Variants in LUC7L3 observed in about 807,000 individuals in gnomAD.
LUC7L3 encodes LUC7 like 3 pre-mRNA splicing factor, also known as luc7-like protein 3.
LUC7L3 carries 6 observed loss-of-function variants against 66.8 expected under a neutral mutation model. That is an observed-to-expected ratio of 0.09 (90% confidence interval 0.05 to 0.18). The LOEUF (loss-of-function observed/expected upper bound fraction) is 0.18. LUC7L3 is among the 10% of genes least tolerant of loss of function. The pLI is 1.00. For missense variants in LUC7L3, 341 were observed against 531.1 expected, an observed-to-expected ratio of 0.64 and a Z score of 3.52; for synonymous variants, 160 against 174.7, an observed-to-expected ratio of 0.92 and a Z score of 0.66.
At chr17:50,732,409 C>T (rs1567862815) in intron 1 of LUC7L3, among the ~76,000 whole-genome samples, 2 of 152,116 alleles carry the variant, frequency 1.3e-5, no homozygotes, top group African/African-American at 4.8e-5. Flanking sequence ...TTATTTGAGT[C>T]TTGCCCTTTT....
At chr17:50,741,437 TTTTC>T (rs2146752622) in intron 4 of LUC7L3, 191 bp downstream of exon 4, 11 of 715,752 alleles carry the variant, frequency 1.5e-5, no homozygotes, top group South Asian at 1.2e-4. Context: ...ACCATAAGAT[TTTTC>T]TTTGTTTTTA....
At chr17:50,733,696 A>G (rs570068314) in intron 1 of LUC7L3, among the ~76,000 whole-genome samples, 1 of 152,256 alleles carries the variant, frequency 6.6e-6, no homozygotes, top group South Asian at 2.1e-4. Context: ...GCCAGTTCAC[A>G]GTAATAGTAA....
At chr17:50,747,061 A>G (rs1243352797) in intron 9 of LUC7L3, among the ~76,000 whole-genome samples, 2 of 151,648 alleles carry the variant, frequency 1.3e-5, no homozygotes, top group Non-Finnish European at 1.5e-5. Context: ...GTTTCATAAT[A>G]CGTCTTATAA....
At position 50,756,215 on chromosome 17, in the gene LUC7L3, A is replaced by C. The variant is rs1014382816; in HGVS notation, c.*5554A>C. ...ATAAAATTTAAAAAGAAGAATGGGA[A>C]AAAAGTCTTGGTGTAGGTAGTTACT... On this transcript the variant is annotated 3_prime_UTR_variant, in exon 10 of 10. Coordinates refer to ENST00000505658, the MANE Select transcript of LUC7L3 (RefSeq NM_016424.5). 3 of 152,048 alleles carry C rather than the reference A, an allele frequency of 2.0e-5. No individual in the cohort carries two copies. Among genetic ancestry groups the C allele is most frequent in the African/African-American group, 7.3e-5 (3 of 41,354 alleles). The allele number at this position is 152,048 out of a possible 1,614,324, so 9.4% of individuals were successfully genotyped here.
chr17:50,735,361 G>A (rs1246476578), intron 1 of LUC7L3, among the ~76,000 whole-genome samples: 2 of 152,060 alleles, frequency 1.3e-5, no homozygotes, highest in Non-Finnish European at 2.9e-5. Flanking sequence ...TGAGTGTAAA[G>A]CCGTTGAGGA....
Position 50,736,020 on chromosome 17 carries a change from C to T in LUC7L3, c.100-940C>T, listed in dbSNP as rs74439336. On this transcript the variant is annotated intron_variant, in intron 1 of 9. Coordinates refer to ENST00000505658, the MANE Select transcript of LUC7L3 (RefSeq NM_016424.5). ...TGGTGGCACATACCTGTAATTCCAG[C>T]TACTTTGGAGACTGAGGCAGAACAA... Among the ~76,000 whole-genome samples the T allele has an allele frequency of 4.1e-4, 62 of 152,316 alleles. No homozygotes were observed. The East Asian group carries it at 0.01, about 25-fold the overall frequency.
At chr17:50,729,560 C>G (rs1969425555) in intron 1 of LUC7L3, among the ~76,000 whole-genome samples, 1 of 152,062 alleles carries the variant, frequency 6.6e-6, no homozygotes, top group Non-Finnish European at 1.5e-5. Context: ...CCCCTCCCAT[C>G]ACAGGGCATA....
At chr17:50,738,132 C>T (rs1970100798) in intron 2 of LUC7L3, 1 of 455,830 alleles carries the variant, frequency 2.2e-6, no homozygotes, top group Non-Finnish European at 4.4e-6. Flanking sequence ...GATGTTTTTC[C>T]CCAGGCAGAA....
chr17:50,728,146 C>G (rs1004791899), intron 1 of LUC7L3, among the ~76,000 whole-genome samples: 3 of 151,344 alleles, frequency 2.0e-5, no homozygotes, highest in African/African-American at 7.3e-5. Context: ...TTTTTATAAG[C>G]CTTGTTGAAA....
At chr17:50,738,534 T>TA (rs1362559905) in intron 2 of LUC7L3, among the ~76,000 whole-genome samples, 1 of 152,070 alleles carries the variant, frequency 6.6e-6, no homozygotes, top group African/African-American at 2.4e-5. Flanking sequence ...TCAGCAATAA[T>TA]ACGATGCCAT....
intron 1 of LUC7L3, among the ~76,000 whole-genome samples, chr17:50,726,206 C>T (rs549383272): frequency 9.2e-4 from 140 of 152,300 alleles, no homozygotes; most frequent in African/African-American, 3.1e-3. Context: ...CAGTCTTGCT[C>T]TGTCGCCCAG....
At position 50,751,008 on chromosome 17, in the gene LUC7L3, TA is replaced by T; in HGVS notation, c.*352del. On this transcript the variant is annotated 3_prime_UTR_variant, in exon 10 of 10. Transcript: ENST00000505658. ...GATGTCATTTCTTTTTTTTTTTTAA[TA>T]AAAAGGTTGAACTGTTTTTTTTTTT... is the stretch of plus-strand genomic sequence containing the variant. 1 of 1,440,416 alleles carries T rather than the reference TA, an allele frequency of 6.9e-7. No individual in the cohort carries two copies. Among genetic ancestry groups the T allele is most frequent in the Non-Finnish European group, 9.1e-7 (1 of 1,103,852 alleles). The allele number at this position is 1,440,416 out of a possible 1,614,324, so 89.2% of individuals were successfully genotyped here.
intron 1 of LUC7L3, among the ~76,000 whole-genome samples, chr17:50,725,515 C>CT (rs919640356): frequency 1.7e-3 from 254 of 151,710 alleles, no homozygotes; most frequent in African/African-American, 5.7e-3. Context: ...AGTAAATGCA[C>CT]TTTTTTTTTC....
At chr17:50,727,732 C>T (rs1005014358) in intron 1 of LUC7L3, among the ~76,000 whole-genome samples, 8 of 152,124 alleles carry the variant, frequency 5.3e-5, no homozygotes, top group South Asian at 2.1e-4. Flanking sequence ...GTGAATTTGG[C>T]AAATTTTAAA....
intron 7 of LUC7L3, among the ~76,000 whole-genome samples, 160 bp downstream of exon 7, chr17:50,744,973 G>A (rs571673402): frequency 6.6e-6 from 1 of 152,100 alleles, no homozygotes; most frequent in East Asian, 1.9e-4. Flanking sequence ...CACCAGGCCT[G>A]GCTAATTTTT....
chr17:50,744,136 A>G (rs1037309598), intron 6 of LUC7L3, among the ~76,000 whole-genome samples: 1 of 152,252 alleles, frequency 6.6e-6, no homozygotes, highest in Admixed American at 6.5e-5. Context: ...TACTCAGTAC[A>G]TACTTACATC....
rs566853280 is a variant in LUC7L3 at position 50,751,014 on chromosome 17, G to T, written c.*353G>T. ...ATTTCTTTTTTTTTTTTAATAAAAA[G>T]GTTGAACTGTTTTTTTTTTTCTTTT... On this transcript the variant is annotated 3_prime_UTR_variant, in exon 10 of 10. Coordinates refer to ENST00000505658, the MANE Select transcript of LUC7L3 (RefSeq NM_016424.5). 1.4e-6 allele frequency: 2 copies of T among 1,435,542 alleles called. No homozygotes were observed. Among genetic ancestry groups the T allele is most frequent in the Admixed American group, 3.0e-5 (1 of 33,734 alleles). The allele number at this position is 1,435,542 out of a possible 1,614,324, so 88.9% of individuals were successfully genotyped here. A position where few individuals can be genotyped will look rare whatever the true frequency, so the allele number is the denominator to read the frequency against.
intron 1 of LUC7L3, 39 bp downstream of exon 1, chr17:50,719,870 G>A: frequency 6.4e-7 from 1 of 1,564,632 alleles, no homozygotes; most frequent in Non-Finnish European, 8.7e-7. Context: ...CGGGCTCCGT[G>A]GGGGAGGGGA....
Position 50,746,558 on chromosome 17 carries a change from A to C in LUC7L3, c.994A>C (p.Arg332=), listed in dbSNP as rs148541531. 1.9e-6 allele frequency: 3 copies of C among 1,612,686 alleles called. No individual in the cohort carries two copies. Among genetic ancestry groups the C allele is most frequent in the African/African-American group, 2.7e-5 (2 of 74,740 alleles). ...ATTATTAAGAAGTAGAGATCGACGAAGAAGCAGAAGCCATGATCGATCAGA... is the reference window on the plus strand; with the variant it reads ...ATTATTAAGAAGTAGAGATCGACGACGAAGCAGAAGCCATGATCGATCAGA... ...RRRSRSRDRR[R]SRSHDRSERK... The change falls in exon 9 of 10, where the codon AGA becomes CGA. Residue 332 remains arginine (R), a synonymous_variant. Transcript: ENST00000505658.
Sources: gnomAD v4.1 joint callset for allele counts (sites outside exome capture counted in the v4.1 genomes callset) on GRCh38, gnomAD v4.1.1 for gene constraint, MANE v1.5 for transcripts, NCBI Gene and HGNC (gene_info 2026-07-23, HGNC 2026-07-21) for gene names.